Variants in PALB2 observed in about 807,000 individuals in gnomAD.
PALB2 encodes mutant partner and localizer of BRCA2.
A neutral mutation model predicts 107.4 loss-of-function variants in PALB2; 82 were observed. The ratio of observed to expected loss-of-function variants is 0.76; its 90% CI spans 0.64 to 0.92. The LOEUF is 0.92. Ranked by LOEUF, PALB2 falls within the 40% of genes least tolerant of loss-of-function variation. The pLI is 0.00. For missense variants in PALB2, 1,374 were observed against 1,379.9 expected, an observed-to-expected ratio of 1.00 and a Z score of 0.07; for synonymous variants, 489 against 496.8, an observed-to-expected ratio of 0.98 and a Z score of 0.21.
Position 23,626,377 on chromosome 16 carries a change from G to T in PALB2, c.2607C>A (p.Ser869=), listed in dbSNP as rs45542234. Residue 869 remains serine, a synonymous_variant, in exon 7 of 13, where the codon TCC becomes TCA. Coordinates refer to ENST00000261584, the MANE Select transcript of PALB2 (RefSeq NM_024675.4). ...SELKNPSGSC[S]VDVSAMFWER... ...CCCAAAACATGGCACTCACATCTACGGAACAGGAACCTGAAGGATTCTGAC... is the reference window on the plus strand; with the variant it reads ...CCCAAAACATGGCACTCACATCTACTGAACAGGAACCTGAAGGATTCTGAC... The T allele has an allele frequency of 6.0e-5, 97 of 1,613,946 alleles. No homozygotes were observed. Among genetic ancestry groups the T allele is most frequent in the Non-Finnish European group, 7.7e-5 (91 of 1,180,036 alleles).
chr16:23,628,642 A>G (rs1567216487), intron 6 of PALB2, among the ~76,000 whole-genome samples: 1 of 152,074 alleles, frequency 6.6e-6, no homozygotes, highest in East Asian at 1.9e-4. Flanking sequence ...TGTTAGATTT[A>G]TTTTATTTTA....
At chr16:23,630,971 A>T (rs982294199) in intron 4 of PALB2, among the ~76,000 whole-genome samples, 5 of 151,366 alleles carry the variant, frequency 3.3e-5, no homozygotes, top group Admixed American at 6.6e-5. Context: ...AATAAAAATT[A>T]AAAAAAATAA....
chr16:23,618,826 C>G (rs564888369), intron 10 of PALB2, among the ~76,000 whole-genome samples: 1 of 152,250 alleles, frequency 6.6e-6, no homozygotes, highest in South Asian at 2.1e-4. Context: ...TCTGGAAGAG[C>G]ACCATCCTCA....
Position 23,614,833 on chromosome 16 carries a change from G to A in PALB2, c.3114-742C>T, listed in dbSNP as rs796585207. On this transcript the variant is annotated intron_variant, in intron 10 of 12. Transcript: ENST00000261584. The stretch of plus-strand genomic sequence containing the variant: ...GCCCGGCTAATTTTTTGTATTTTTA[G>A]TAGAGACGGGGTTTCACCGTTTTAG... Among the ~76,000 whole-genome samples the A allele has an allele frequency of 2.8e-3, 429 of 151,150 alleles. 7 individuals are homozygous for A. Among genetic ancestry groups the A allele is most frequent in the Middle Eastern group, 6.8e-3 (2 of 292 alleles).
chr16:23,607,843 G>T, intron 12 of PALB2, 21 bp downstream of exon 12: 1 of 1,613,356 alleles, frequency 6.2e-7, no homozygotes, highest in Non-Finnish European at 8.5e-7. Flanking sequence ...CACCCATAGA[G>T]TAGCAGTTAT....
rs371612049 is a variant in PALB2, at chr16:23,635,811, C to T, written c.735G>A (p.Ala245=). The change falls in exon 4 of 13, where the codon GCG becomes GCA. Residue 245 remains alanine, a synonymous_variant. Coordinates refer to ENST00000261584, the MANE Select transcript of PALB2 (RefSeq NM_024675.4). The stretch of plus-strand genomic sequence containing the variant: ...ATAGAGTCTGTAAAGGAACTGTAGT[C>T]GCCCTGGTGAAATTAGGTCTTCTTA... ...TFLRRPNFTR[A]TTVPLQTLSD... is the part of the protein sequence containing the mutation. The T allele has an allele frequency of 6.2e-6, 10 of 1,613,986 alleles. No homozygotes were observed. Among genetic ancestry groups the T allele is most frequent in the Middle Eastern group, 1.6e-4 (1 of 6,082 alleles).
At chr16:23,610,257 A>T (rs1438114770) in intron 11 of PALB2, among the ~76,000 whole-genome samples, 3 of 152,090 alleles carry the variant, frequency 2.0e-5, no homozygotes, top group Non-Finnish European at 4.4e-5. Flanking sequence ...TATATGGAAA[A>T]AGTTTATCAA....
intron 7 of PALB2, among the ~76,000 whole-genome samples, chr16:23,624,791 G>A (rs1236434145): frequency 3.9e-5 from 6 of 152,174 alleles, no homozygotes; most frequent in African/African-American, 9.7e-5. Flanking sequence ...GATTACAGGC[G>A]TGAGCCACCT....
rs372196965 is a variant in PALB2 at position 23,637,983 on chromosome 16, C to T, written c.109-31G>A. The T allele has an allele frequency of 6.0e-5, 97 of 1,605,378 alleles. 2 individuals are homozygous for T. The South Asian group carries it at 9.0e-4, about 15-fold the overall frequency. On this transcript the variant is annotated intron_variant, in intron 2 of 12. Transcript: ENST00000261584. ...GGAGACAAAAACAGCCCCAGAAATA[C>T]GTTTTCTTTAAAGTTTTATAGAGTC...
In PALB2 at chr16:23,630,446, C is replaced by T. The variant is rs786203747; in HGVS notation, c.1708G>A (p.Glu570Lys). Residue 570 changes from glutamate (E) to lysine (K), a missense_variant, in exon 5 of 13, where the codon GAG (glutamate) becomes AAG (lysine). Glu to Lys is a moderately conservative substitution (Grantham distance 56). Coordinates refer to ENST00000261584, the MANE Select transcript of PALB2 (RefSeq NM_024675.4). The part of the protein sequence containing the change: ...VKGKKSRHQK[E>K]DSLSWSNSAY... Reference sequence around the variant, plus strand: ...CTATTACTCCAAGAAAGGGAATCCTCTTTTTGATGACGACTTTTCTTCCCT... The same window carrying T: ...CTATTACTCCAAGAAAGGGAATCCTTTTTTTGATGACGACTTTTCTTCCCT... 1 of 1,613,328 alleles carries T rather than the reference C, an allele frequency of 6.2e-7. No homozygotes were observed. Among genetic ancestry groups the T allele is most frequent in the Non-Finnish European group, 8.5e-7 (1 of 1,179,652 alleles).
rs911005977 is a variant in PALB2 at position 23,641,287 on chromosome 16, C to G, written c.-130G>C. 8 of 1,246,558 alleles carry G rather than the reference C, an allele frequency of 6.4e-6. No homozygotes were observed. The African/African-American group carries it at 7.5e-5, about 12-fold the overall frequency. 77.2% of individuals were successfully genotyped at this position (1,246,558 alleles called of 1,614,324 possible). A position where few individuals can be genotyped will look rare whatever the true frequency, so the allele number is the denominator to read the frequency against. On this transcript the variant is annotated 5_prime_UTR_variant, in exon 1 of 13. Transcript: ENST00000261584. Reference sequence around the variant, plus strand: ...GGAGCCCGGGATCGCACCCTCAGTGCGCGATCAGCTGACCCACGCGGGCCA... The same window carrying G: ...GGAGCCCGGGATCGCACCCTCAGTGGGCGATCAGCTGACCCACGCGGGCCA...
Position 23,622,848 on chromosome 16 carries a change from A to T in PALB2, c.2996+121T>A, listed in dbSNP as rs1025669361. 7 of 1,095,436 alleles carry T rather than the reference A, an allele frequency of 6.4e-6. No homozygotes were observed. The African/African-American group carries it at 1.1e-4, about 17-fold the overall frequency. The allele number at this position is 1,095,436 out of a possible 1,614,324, so 67.9% of individuals were successfully genotyped here. On this transcript the variant is annotated intron_variant, in intron 9 of 12. Transcript: ENST00000261584. ...TGTCATAACCTAGTGTTGATGCGGT[A>T]CATGCTTATATTACACCCCCAGCAC...
At position 23,630,058 on chromosome 16, in the gene PALB2, G is replaced by C. The variant is rs780397699; in HGVS notation, c.2096C>G (p.Ser699Cys). The change falls in exon 5 of 13, where the codon TCT becomes TGT. Residue 699 changes from serine (S) to cysteine (C), a missense_variant. Coordinates refer to ENST00000261584, the MANE Select transcript of PALB2 (RefSeq NM_024675.4). ...AGGAGTATAAAGTAATATGGATGAA[G>C]AAAGGCCCGTCTTTGTATGCTGGCT... is the stretch of plus-strand genomic sequence containing the variant. ...SQSQHTKTGL[S>C]SSILLYTPLN... 7 of 1,614,072 alleles carry C rather than the reference G, an allele frequency of 4.3e-6. No homozygotes were observed. The highest frequency in any genetic ancestry group is 1.3e-5 in the African/African-American group (1 of 74,914).
intron 4 of PALB2, among the ~76,000 whole-genome samples, chr16:23,632,220 G>GTATAATCCC (rs1966884898): frequency 6.6e-6 from 1 of 152,174 alleles, no homozygotes; most frequent in African/African-American, 2.4e-5. Context: ...AAGGCAGGTG[G>GTATAATCCC]ATCACTTGAG....
At chr16:23,612,644 A>AGC (rs1236736117) in intron 11 of PALB2, among the ~76,000 whole-genome samples, 3 of 151,204 alleles carry the variant, frequency 2.0e-5, no homozygotes, top group African/African-American at 7.3e-5. Context: ...CCCTGAACTC[A>AGC]GCCTCCTGAG....
chr16:23,612,087 A>C (rs1966597666), intron 11 of PALB2, among the ~76,000 whole-genome samples: 1 of 152,220 alleles, frequency 6.6e-6, no homozygotes, highest in Non-Finnish European at 1.5e-5. Context: ...CAGGCAAGTC[A>C]GTCTCTACAC....
At chr16:23,637,737 T>G in intron 3 of PALB2, 113 bp downstream of exon 3, 4 of 761,642 alleles carry the variant, frequency 5.3e-6, no homozygotes, top group Non-Finnish European at 8.8e-6. Flanking sequence ...AAAATTAAAA[T>G]TAAAGCGTCT....
At chr16:23,612,523 C>CTT (rs900478700) in intron 11 of PALB2, among the ~76,000 whole-genome samples, 29 of 119,458 alleles carry the variant, frequency 2.4e-4, no homozygotes, top group African/African-American at 3.2e-4. Context: ...CAGGCCAAGA[C>CTT]TTTTTTTTTT....
chr16:23,603,697 C>T (rs2142255987), intron 12 of PALB2, 28 bp from the exon 13 acceptor site: 1 of 1,543,812 alleles, frequency 6.5e-7, no homozygotes, highest in Non-Finnish European at 8.9e-7. Flanking sequence ...AGATATAATT[C>T]AGATTACATA....
Sources: gnomAD v4.1 joint callset for allele counts (sites outside exome capture counted in the v4.1 genomes callset) on GRCh38, gnomAD v4.1.1 for gene constraint, MANE v1.5 for transcripts, NCBI Gene and HGNC (gene_info 2026-07-23, HGNC 2026-07-21) for gene names.